BBX: variants seen among roughly 807,000 people sequenced by gnomAD.
BBX encodes BBX high mobility group box domain containing, also known as HMG box transcription factor BBX.
Under a neutral mutation model 100.2 loss-of-function variants are expected in BBX, and 30 were observed. The observed-to-expected ratio is 0.30, with a 90% confidence interval of 0.22 to 0.41. The LOEUF (loss-of-function observed/expected upper bound fraction) is 0.41. Ranked by LOEUF, BBX falls within the 10% of genes least tolerant of loss-of-function variation. The pLI is 1.00. For missense variants in BBX, 1,023 were observed against 1,129.8 expected, an observed-to-expected ratio of 0.91 and a Z score of 1.35; for synonymous variants, 376 against 388.1, an observed-to-expected ratio of 0.97 and a Z score of 0.37.
chr3:107,785,092 T>C (rs1421263513), intron 13 of BBX, among the ~76,000 whole-genome samples: 1 of 150,858 alleles, frequency 6.6e-6, no homozygotes, highest in Non-Finnish European at 1.5e-5. Context: ...AGACACAAAC[T>C]ACTGAAACTG....
At chr3:107,524,309 TAC>T (rs2107264882) in intron 1 of BBX, 1 of 152,302 alleles carries the variant, frequency 6.6e-6, no homozygotes, top group African/African-American at 2.4e-5. Flanking sequence ...ACACTCGTGT[TAC>T]ACTGTTATTT....
At chr3:107,785,000 A>G (rs1252767733) in intron 13 of BBX, among the ~76,000 whole-genome samples, 1 of 151,846 alleles carries the variant, frequency 6.6e-6, no homozygotes, top group Admixed American at 6.6e-5. Context: ...GGCTACAGAA[A>G]TGAAAAGGAT....
chr3:107,744,002 T>G (rs1416055438), intron 7 of BBX, among the ~76,000 whole-genome samples: 1 of 148,726 alleles, frequency 6.7e-6, no homozygotes, highest in Non-Finnish European at 1.5e-5. Flanking sequence ...TATTAAAAAG[T>G]ATTTGTAACT....
At position 107,773,717 on chromosome 3, in the gene BBX, T is replaced by TA. The variant is rs1450243429; in HGVS notation, c.1915+87dup. ...TTAGACCTATTGAAAACAACTGCCA[T>TA]AAAAAACAATATGGTATCAAAATAA... On this transcript the variant is annotated intron_variant, in intron 11 of 17. Coordinates refer to ENST00000325805, the MANE Select transcript of BBX (RefSeq NM_001142568.3). The surrounding 1 kb of genome is among the most constrained non-coding windows in gnomAD (Gnocchi z 4.1). 23 of 1,200,740 alleles carry TA rather than the reference T, an allele frequency of 1.9e-5. No homozygotes were observed. Among genetic ancestry groups the TA allele is most frequent in the Non-Finnish European group, 2.4e-5 (21 of 865,562 alleles). The allele number at this position is 1,200,740 out of a possible 1,614,324, so 74.4% of individuals were successfully genotyped here.
At position 107,781,146 on chromosome 3, in the gene BBX, A is replaced by G. The variant is rs549319191; in HGVS notation, c.2203+2627A>G. On this transcript the variant is annotated intron_variant, in intron 13 of 17. Coordinates refer to ENST00000325805, the MANE Select transcript of BBX (RefSeq NM_001142568.3). ...TGTATGTATGCATTTATATAGTTGT[A>G]TATCTCAAAGTCATAGTACCTGCTT... Among the ~76,000 whole-genome samples the G allele has an allele frequency of 4.6e-5, 7 of 152,128 alleles. No individual in the cohort carries two copies. The East Asian group carries it at 7.7e-4, about 17-fold the overall frequency.
chr3:107,755,446 A>G (rs2065397867), intron 9 of BBX, 152 bp from the exon 10 acceptor site: 3 of 575,520 alleles, frequency 5.2e-6, no homozygotes, highest in South Asian at 2.7e-5. Flanking sequence ...GGTTCTCAAA[A>G]TGATCATCCC....
chr3:107,677,254 T>C (rs1303043091), intron 3 of BBX, among the ~76,000 whole-genome samples: 1 of 152,146 alleles, frequency 6.6e-6, no homozygotes, highest in African/African-American at 2.4e-5. Flanking sequence ...TGCTAGAATA[T>C]CCATTAGTTA....
intron 3 of BBX, among the ~76,000 whole-genome samples, chr3:107,702,956 A>G (rs1329620462): frequency 6.6e-6 from 1 of 152,126 alleles, no homozygotes; most frequent in Non-Finnish European, 1.5e-5. Context: ...GGTGAGTTGA[A>G]TGGGAGGTAA....
rs1297714707 is a variant in BBX, at chr3:107,781,338, T to C, written c.2203+2819T>C. Among the ~76,000 whole-genome samples the C allele has an allele frequency of 2.0e-5, 3 of 152,028 alleles. No homozygotes were observed. The South Asian group carries it at 6.2e-4, about 31-fold the overall frequency. ...CAATGAAAAGGGATGAAAATAACTT[T>C]AAAGGCCACTTTCCTCCAACTTGGG... On this transcript the variant is annotated intron_variant, in intron 13 of 17. Transcript: ENST00000325805.
Position 107,773,270 on chromosome 3 carries a change from G to A in BBX, c.1549G>A (p.Gly517Ser). ...PRKKVRTSSS[G>S]KGSILDAKPP... Reference sequence around the variant, plus strand: ...CAAGAAGGTCCGCACATCCTCAAGTGGCAAGGGAAGCATTTTGGATGCCAA... The same window carrying A: ...CAAGAAGGTCCGCACATCCTCAAGTAGCAAGGGAAGCATTTTGGATGCCAA... Residue 517 changes from glycine (G) to serine (S), a missense_variant, in exon 11 of 18, where the codon GGC (glycine) becomes AGC (serine). Physicochemically the swap from Gly to Ser is moderately conservative, Grantham distance 56. Transcript: ENST00000325805. This position sits in a 1 kb window ranked among gnomAD's most constrained non-coding sequence, Gnocchi z 4.1. 1 of 1,614,054 alleles carries A rather than the reference G, an allele frequency of 6.2e-7. No individual in the cohort carries two copies. Among genetic ancestry groups the A allele is most frequent in the African/African-American group, 1.3e-5 (1 of 75,018 alleles).
chr3:107,682,051 T>C (rs1193566147), intron 3 of BBX, among the ~76,000 whole-genome samples: 2 of 152,086 alleles, frequency 1.3e-5, no homozygotes, highest in African/African-American at 4.8e-5. Flanking sequence ...CAGAGGCCAA[T>C]TGATAGTAAA....
intron 2 of BBX, among the ~76,000 whole-genome samples, chr3:107,558,640 C>G (rs1161529594): frequency 6.6e-6 from 1 of 152,190 alleles, no homozygotes; most frequent in Non-Finnish European, 1.5e-5. Context: ...GAGCTGATAG[C>G]ATCCAACAAT....
intron 7 of BBX, among the ~76,000 whole-genome samples, chr3:107,737,276 C>T (rs1222694131): frequency 1.4e-5 from 2 of 146,848 alleles, no homozygotes; most frequent in Non-Finnish European, 3.0e-5. Context: ...GGCTGATACG[C>T]TTTACCAGCA....
chr3:107,591,425 A>T (rs1288500645), intron 2 of BBX, among the ~76,000 whole-genome samples: 1 of 152,324 alleles, frequency 6.6e-6, no homozygotes, highest in East Asian at 1.9e-4. Flanking sequence ...TTGGTTTAAG[A>T]TCTATAAACA....
At chr3:107,664,104 C>A (rs1470771216) in intron 3 of BBX, among the ~76,000 whole-genome samples, 1 of 152,178 alleles carries the variant, frequency 6.6e-6, no homozygotes, top group Admixed American at 6.5e-5. Flanking sequence ...TGCGCCTGGC[C>A]TCTTTCTTTT....
At position 107,810,884 on chromosome 3, in the gene BBX, G is replaced by A. The variant is rs2071258357; in HGVS notation, c.*5427G>A. ...TTGACCACCAGGTCTAAAGTCTGTT[G>A]ACAGTTTCAGCATGACTGAATCGCT... On this transcript the variant is annotated 3_prime_UTR_variant, in exon 18 of 18. Transcript: ENST00000325805. 1 of 151,826 alleles carries A rather than the reference G, an allele frequency of 6.6e-6. No individual in the cohort carries two copies. Among genetic ancestry groups the A allele is most frequent in the Admixed American group, 6.6e-5 (1 of 15,236 alleles). 9.4% of individuals were successfully genotyped at this position (151,826 alleles called of 1,614,324 possible). A position where few individuals can be genotyped will look rare whatever the true frequency, so the allele number is the denominator to read the frequency against.
At chr3:107,756,564 T>C (rs1261570556) in intron 10 of BBX, among the ~76,000 whole-genome samples, 1 of 152,212 alleles carries the variant, frequency 6.6e-6, no homozygotes, top group Non-Finnish European at 1.5e-5. Flanking sequence ...CTAAATTTTA[T>C]GGTAATTTGT....
chr3:107,660,311 T>TA (rs1163697891), intron 3 of BBX, among the ~76,000 whole-genome samples: 1 of 152,048 alleles, frequency 6.6e-6, no homozygotes, highest in Non-Finnish European at 1.5e-5. Context: ...CAGTTTATAT[T>TA]AAAATTTTTT....
In BBX at chr3:107,559,696, C is replaced by T. The variant is rs148234279; in HGVS notation, c.-84+33298C>T. ...CTAAAAGGGCTGATAATAAAATTGCCAAGGATGGAAATAGTAAGAGGGAGT... is the reference window on the plus strand; with the variant it reads ...CTAAAAGGGCTGATAATAAAATTGCTAAGGATGGAAATAGTAAGAGGGAGT... On this transcript the variant is annotated intron_variant, in intron 2 of 17. Transcript: ENST00000325805. 3.8e-3 allele frequency among the ~76,000 whole-genome samples: 576 copies of T among 152,250 alleles called. 3 individuals carry two copies. The highest frequency in any genetic ancestry group is 0.013 in the African/African-American group (535 of 41,550).
Sources: allele counts gnomAD v4.1 joint callset (sites outside exome capture counted in the v4.1 genomes callset), GRCh38; gene constraint gnomAD v4.1.1; non-coding constraint Gnocchi (gnomAD v3.1); transcripts MANE v1.5; gene names NCBI Gene and HGNC (gene_info 2026-07-23, HGNC 2026-07-21).